TC2N: variants seen among roughly 807,000 people sequenced by gnomAD.
TC2N encodes the protein tandem C2 domains nuclear protein.
In TC2N, 51 loss-of-function variants were observed where a neutral mutation model predicts 61.9. The ratio of observed to expected loss-of-function variants is 0.82; its 90% CI spans 0.66 to 1.04. The LOEUF (loss-of-function observed/expected upper bound fraction) is 1.04. Among genes scored for constraint, TC2N ranks in the 50% least tolerant of loss-of-function variants. TC2N has a pLI of 0.00. For missense variants in TC2N, 556 were observed against 566.7 expected (o/e 0.98, Z 0.19); for synonymous variants, 204 against 192.6 (o/e 1.06, Z -0.49).
intron 7 of TC2N, 39 bp from the exon 8 acceptor site, chr14:91,797,940 A>C: frequency 8.1e-7 from 1 of 1,239,180 alleles, no homozygotes; most frequent in Admixed American, 2.0e-5. Flanking sequence ...TTTACAAAGG[A>C]TCCAACAATA....
At chr14:91,784,860 G>A (rs1015130767) in intron 11 of TC2N, among the ~76,000 whole-genome samples, 5 of 152,058 alleles carry the variant, frequency 3.3e-5, no homozygotes, top group African/African-American at 9.7e-5. Flanking sequence ...AATACTTAAT[G>A]TTCCCTCCTT....
At chr14:91,809,620 T>C (rs1886677457) in intron 3 of TC2N, among the ~76,000 whole-genome samples, 1 of 152,146 alleles carries the variant, frequency 6.6e-6, no homozygotes, top group Non-Finnish European at 1.5e-5. Flanking sequence ...CTGTTTTTAA[T>C]GACTTTTAGC....
rs772881044 is a variant in TC2N at position 91,792,525 on chromosome 14, T to C, written c.889A>G (p.Ile297Val). The change falls in exon 9 of 12, where the codon ATT becomes GTT. Residue 297 changes from isoleucine to valine, a missense_variant. Physicochemically the swap from Ile to Val is conservative, Grantham distance 29. Coordinates refer to ENST00000435962, the MANE Select transcript of TC2N (RefSeq NM_001128596.3). ...ACAGTTTGTAGATTTTGAAGTTTAA[T>C]AGCAAATACAAACGTTTCCATAAAT... ...IEFMETFVFA[I>V]KLQNLQTVRL... 5.0e-6 allele frequency: 8 copies of C among 1,590,034 alleles called. No individual in the cohort carries two copies. In the South Asian group the frequency reaches 6.9e-5, roughly 14 times the overall value.
intron 1 of TC2N, among the ~76,000 whole-genome samples, chr14:91,847,399 A>C (rs541923562): frequency 6.6e-6 from 1 of 152,354 alleles, no homozygotes; most frequent in African/African-American, 2.4e-5. Context: ...GTCAACCAGC[A>C]AAGTAGATTG....
chr14:91,785,010 G>C, intron 11 of TC2N, 152 bp downstream of exon 11: 1 of 533,600 alleles, frequency 1.9e-6, no homozygotes, highest in South Asian at 3.8e-5. Flanking sequence ...CAAAAAGTCT[G>C]ACAAGTTTCG....
intron 10 of TC2N, among the ~76,000 whole-genome samples, chr14:91,786,954 C>T (rs1885394820): frequency 6.6e-6 from 1 of 151,986 alleles, no homozygotes; most frequent in South Asian, 2.1e-4. Flanking sequence ...TATTTTTAGT[C>T]TTTCTAGTTA....
At chr14:91,821,662 A>G (rs112471427) in intron 1 of TC2N, among the ~76,000 whole-genome samples, 2,611 of 152,204 alleles carry the variant, frequency 0.017, 29 homozygotes, top group Non-Finnish European at 0.025. Flanking sequence ...GATTTAATTG[A>G]AATTAAAAAC....
intron 1 of TC2N, among the ~76,000 whole-genome samples, chr14:91,839,259 G>A (rs1168392972): frequency 1.3e-5 from 2 of 152,004 alleles, no homozygotes; most frequent in Admixed American, 6.6e-5. Flanking sequence ...ATAAACTGTC[G>A]AATTTGCACA....
chr14:91,798,466 C>T (rs1886034680), intron 6 of TC2N, 67 bp from the exon 7 acceptor site: 1 of 843,924 alleles, frequency 1.2e-6, no homozygotes, highest in South Asian at 1.6e-5. Flanking sequence ...TAAGCTTTGA[C>T]ACAATCCAAT....
chr14:91,801,285 T>C (rs1356885653), intron 4 of TC2N, among the ~76,000 whole-genome samples: 1 of 152,160 alleles, frequency 6.6e-6, no homozygotes, highest in African/African-American at 2.4e-5. Flanking sequence ...AATATTACTG[T>C]ATTTAGTACA....
chr14:91,836,669 G>C (rs1888037965), intron 1 of TC2N: 1 of 152,124 alleles, frequency 6.6e-6, no homozygotes, highest in South Asian at 2.1e-4. Flanking sequence ...GAAGGGCTGG[G>C]CGCGGAGGGG....
chr14:91,808,068 T>C (rs888115939), intron 3 of TC2N, among the ~76,000 whole-genome samples: 2 of 152,330 alleles, frequency 1.3e-5, no homozygotes, highest in South Asian at 2.1e-4. Flanking sequence ...TTTCACCTTC[T>C]GCCATGATTG....
intron 3 of TC2N, among the ~76,000 whole-genome samples, chr14:91,803,375 ATATATACACACACACACACACACACACG>A: frequency 7.8e-6 from 1 of 128,306 alleles, no homozygotes; most frequent in Admixed American, 8.4e-5. Context: ...ATATACATAC[ATATATACACACACACACACACACACACG>A]TACATACATA....
At chr14:91,842,675 T>C (rs1373359075) in intron 1 of TC2N, among the ~76,000 whole-genome samples, 1 of 152,116 alleles carries the variant, frequency 6.6e-6, no homozygotes, top group East Asian at 1.9e-4. Context: ...AACCAAACGG[T>C]TGCCTGATCA....
intron 9 of TC2N, among the ~76,000 whole-genome samples, chr14:91,791,374 T>C (rs1402779347): frequency 6.6e-6 from 1 of 152,168 alleles, no homozygotes; most frequent in African/African-American, 2.4e-5. Context: ...TTAAATATTT[T>C]TGGAAACAGG....
chr14:91,806,293 G>C (rs923225759), intron 3 of TC2N, among the ~76,000 whole-genome samples: 2 of 152,180 alleles, frequency 1.3e-5, no homozygotes, highest in African/African-American at 4.8e-5. Context: ...GTGGGGTGCT[G>C]CTGTAAAGAT....
intron 1 of TC2N, among the ~76,000 whole-genome samples, chr14:91,841,505 G>A (rs936942771): frequency 6.6e-6 from 1 of 152,216 alleles, no homozygotes; most frequent in Non-Finnish European, 1.5e-5. Context: ...CGTGGTGGCA[G>A]ACACACACAG....
chr14:91,819,287 G>A (rs987218669), intron 1 of TC2N, among the ~76,000 whole-genome samples: 1 of 152,042 alleles, frequency 6.6e-6, no homozygotes, highest in Non-Finnish European at 1.5e-5. Flanking sequence ...CTGAGATCAT[G>A]CCACTGCACT....
rs1274574127 is a variant in TC2N, at chr14:91,797,680, CTAAGA to C, written c.855+100_855+104del. 9.3e-6 allele frequency: 7 copies of C among 756,308 alleles called. 1 individual carries two copies. The highest frequency in any genetic ancestry group is 6.8e-5 in the South Asian group (4 of 58,890). 46.8% of individuals were successfully genotyped at this position (756,308 alleles called of 1,614,324 possible). A position where few individuals can be genotyped will look rare whatever the true frequency, so the allele number is the denominator to read the frequency against. ...GCAATAATACATAGTTGTAGTTTCC[CTAAGA>C]TAAAAGACTTTCTTATTCTGACTTG... On this transcript the variant is annotated intron_variant, in intron 8 of 11. Transcript: ENST00000435962.
Sources: gnomAD v4.1 joint callset for allele counts (sites outside exome capture counted in the v4.1 genomes callset) on GRCh38, gnomAD v4.1.1 for gene constraint, MANE v1.5 for transcripts, NCBI Gene and HGNC (gene_info 2026-07-23, HGNC 2026-07-21) for gene names.